Variants in SMAD7 observed in about 807,000 individuals in gnomAD.
SMAD7 encodes SMAD family member 7.
A neutral mutation model predicts 38.7 loss-of-function variants in SMAD7; 8 were observed. The observed-to-expected ratio is 0.21, with a 90% CI of 0.12 to 0.37. The LOEUF is 0.37. SMAD7 is among the 10% of genes least tolerant of loss of function. The probability of loss-of-function intolerance (pLI) is 1.00; values close to 1 mark genes in which losing one functional copy is unlikely to be tolerated. For synonymous variants in SMAD7, 327 were observed against 265.1 expected (o/e 1.23, Z -2.27); for missense variants, 477 against 577.9 (o/e 0.83, Z 1.79).
chr18:48,936,663 G>A (rs2070070865), intron 3 of SMAD7, among the ~76,000 whole-genome samples: 1 of 152,014 alleles, frequency 6.6e-6, no homozygotes, highest in South Asian at 2.1e-4. Context: ...TTTTTCTTCT[G>A]CCAGGTGAAG....
rs757260761 is a variant in SMAD7 at position 48,948,454 on chromosome 18, A to G, written c.614-17T>C. 2 of 1,572,160 alleles carry G rather than the reference A, an allele frequency of 1.3e-6. No homozygotes were observed. Among genetic ancestry groups the G allele is most frequent in the Admixed American group, 1.9e-5 (1 of 53,380 alleles). On this transcript the variant is annotated splice_polypyrimidine_tract_variant and intron_variant, in intron 1 of 3. Transcript: ENST00000262158. ...GGGGAGACTCTGAAATTAAAAAAGC[A>G]AGAGAAAATAAAGGCCCAGCCATGA...
chr18:48,950,272 A>G lies in SMAD7; in HGVS notation c.153T>C (p.Gly51=). The G allele has an allele frequency of 6.6e-7, 1 of 1,521,798 alleles. No individual in the cohort carries two copies. Among genetic ancestry groups the G allele is most frequent in the Non-Finnish European group, 8.8e-7 (1 of 1,137,088 alleles). The allele number at this position is 1,521,798 out of a possible 1,614,324, so 94.3% of individuals were successfully genotyped here. The change falls in exon 1 of 4, where the codon GGT becomes GGC. Residue 51 remains glycine (G), a synonymous_variant. Transcript: ENST00000262158. The stretch of plus-strand genomic sequence containing the variant: ...ATCCAGCCCTGCCCGGGCCGCCGCC[A>G]CCGGCCCCATGCGCTCGGCTGTCCG... ...GATDSRAHGA[G]GGGPGRAGCC... is the part of the protein sequence containing the mutation.
chr18:48,936,079 C>T (rs995265090), intron 3 of SMAD7, among the ~76,000 whole-genome samples: 3 of 23,458 alleles, frequency 1.3e-4, no homozygotes, highest in Admixed American at 9.4e-4. Context: ...CATCTCAAAA[C>T]ACACACACAC....
At chr18:48,923,724 A>C (rs1369223843) in intron 3 of SMAD7, among the ~76,000 whole-genome samples, 1 of 151,852 alleles carries the variant, frequency 6.6e-6, no homozygotes, top group East Asian at 1.9e-4. Context: ...ACACCAGAAA[A>C]CTGGCCGGTC....
chr18:48,929,127 T>G (rs914511600), intron 3 of SMAD7, among the ~76,000 whole-genome samples: 16 of 152,176 alleles, frequency 1.1e-4, no homozygotes, highest in African/African-American at 3.9e-4. Context: ...CTGTTTAGTG[T>G]GCATGCAGTC....
intron 2 of SMAD7, among the ~76,000 whole-genome samples, chr18:48,945,411 G>A (rs1414091457): frequency 1.3e-5 from 2 of 151,928 alleles, no homozygotes; most frequent in Non-Finnish European, 2.9e-5. Context: ...GCAGTGAGCC[G>A]AGATCGGGCC....
chr18:48,947,498 T>G (rs2070208058), intron 2 of SMAD7, among the ~76,000 whole-genome samples: 1 of 152,182 alleles, frequency 6.6e-6, no homozygotes, highest in Non-Finnish European at 1.5e-5. Flanking sequence ...AGTATTAATG[T>G]TTTTTTCAGG....
intron 3 of SMAD7, among the ~76,000 whole-genome samples, chr18:48,933,900 G>T (rs1209393677): frequency 6.6e-6 from 1 of 152,322 alleles, no homozygotes; most frequent in East Asian, 1.9e-4. Context: ...ACAAAACAAA[G>T]CACGCTAAGG....
intron 3 of SMAD7, among the ~76,000 whole-genome samples, chr18:48,937,242 T>A (rs76319914): frequency 6.7e-6 from 1 of 149,354 alleles, no homozygotes; most frequent in African/African-American, 2.5e-5. Flanking sequence ...GCAGCTACAG[T>A]CAGGCTTTGC....
At chr18:48,930,869 T>C (rs1404015124) in intron 3 of SMAD7, among the ~76,000 whole-genome samples, 1 of 152,214 alleles carries the variant, frequency 6.6e-6, no homozygotes, top group Non-Finnish European at 1.5e-5. Context: ...TGCACATCCA[T>C]GTTCACAGCA....
In SMAD7 at chr18:48,950,192, G is replaced by A; in HGVS notation, c.233C>T (p.Pro78Leu). The change falls in exon 1 of 4, where the codon CCA becomes CTA. Residue 78 changes from proline to leucine, a missense_variant. This residue lies in a region of SMAD7 where 376 missense variants were observed against 379.4 expected (regional missense o/e 0.99). Coordinates refer to ENST00000262158, the MANE Select transcript of SMAD7 (RefSeq NM_005904.4). ...GAKGHHHPHP[P>L]AAGAGAAGGA... ...CCCGGCCGCGCCGGCGCCCGCGGCTGGCGGGTGGGGATGGTGGTGACCTTT... is the reference window on the plus strand; with the variant it reads ...CCCGGCCGCGCCGGCGCCCGCGGCTAGCGGGTGGGGATGGTGGTGACCTTT... 1 of 1,486,742 alleles carries A rather than the reference G, an allele frequency of 6.7e-7. No homozygotes were observed. Among genetic ancestry groups the A allele is most frequent in the Non-Finnish European group, 8.9e-7 (1 of 1,124,594 alleles). The allele number at this position is 1,486,742 out of a possible 1,614,324, so 92.1% of individuals were successfully genotyped here.
At chr18:48,949,717 C>G in intron 1 of SMAD7, 95 bp downstream of exon 1, 1 of 1,384,926 alleles carries the variant, frequency 7.2e-7, no homozygotes, top group South Asian at 1.5e-5. Context: ...CACACTCCCC[C>G]TGGAGGGATG....
chr18:48,942,675 G>A (rs555621853), intron 2 of SMAD7, 120 bp from the exon 3 acceptor site: 61 of 1,570,846 alleles, frequency 3.9e-5, no homozygotes, highest in Admixed American at 5.5e-5. Flanking sequence ...AGGCTGACTC[G>A]CGGCCTTGAT....
chr18:48,935,589 T>C (rs2337105), intron 3 of SMAD7, among the ~76,000 whole-genome samples: 4,308 of 152,222 alleles, frequency 0.028, 212 homozygotes, highest in African/African-American at 0.098. Flanking sequence ...CCTGGCACCA[T>C]CCTGGTTCGC....
chr18:48,923,151 A>G (rs1190360019), intron 3 of SMAD7, among the ~76,000 whole-genome samples: 1 of 152,152 alleles, frequency 6.6e-6, no homozygotes, highest in Non-Finnish European at 1.5e-5. Context: ...GCAGAGGGGG[A>G]AAAGCAGAGG....
intron 3 of SMAD7, among the ~76,000 whole-genome samples, chr18:48,922,695 CAGA>C (rs1483312247): frequency 2.0e-5 from 3 of 152,196 alleles, no homozygotes; most frequent in African/African-American, 4.8e-5. Flanking sequence ...CCAGCCCAGA[CAGA>C]AGATTATGTG....
At chr18:48,939,766 G>A (rs1568303644) in intron 3 of SMAD7, among the ~76,000 whole-genome samples, 1 of 152,022 alleles carries the variant, frequency 6.6e-6, no homozygotes, top group Non-Finnish European at 1.5e-5. Context: ...GGCTCAGAGA[G>A]GTTATTTCAA....
chr18:48,939,466 C>G (rs1312270598), intron 3 of SMAD7, among the ~76,000 whole-genome samples: 1 of 151,644 alleles, frequency 6.6e-6, no homozygotes, highest in Non-Finnish European at 1.5e-5. Context: ...CCGCCCACTC[C>G]CCTTCCTCCC....
chr18:48,927,965 C>T (rs957346283), intron 3 of SMAD7, among the ~76,000 whole-genome samples: 1 of 152,200 alleles, frequency 6.6e-6, no homozygotes, highest in Non-Finnish European at 1.5e-5. Flanking sequence ...AGAATATTGC[C>T]TGGTGTGAGC....
Sources: allele counts gnomAD v4.1 joint callset (sites outside exome capture counted in the v4.1 genomes callset), GRCh38; gene constraint gnomAD v4.1.1; regional missense constraint gnomAD v4.1.1; transcripts MANE v1.5; gene names NCBI Gene and HGNC (gene_info 2026-07-23, HGNC 2026-07-21).